GALNTL6: variants seen among roughly 807,000 people sequenced by gnomAD.
GALNTL6 encodes polypeptide N-acetylgalactosaminyltransferase like 6, also known as polypeptide N-acetylgalactosaminyltransferase-like 6.
In GALNTL6, 46 loss-of-function variants were observed where a neutral mutation model predicts 73.7. That is an observed-to-expected ratio of 0.62 (90% CI 0.49 to 0.80). The LOEUF (loss-of-function observed/expected upper bound fraction) is 0.80. Ranked by LOEUF, GALNTL6 falls within the 30% of genes least tolerant of loss-of-function variation. The pLI, the probability that GALNTL6 is intolerant of heterozygous loss-of-function variation, is 0.00. For missense variants in GALNTL6, 604 were observed against 755.0 expected, an observed-to-expected ratio of 0.80 and a Z score of 2.34; for synonymous variants, 259 against 263.7, an observed-to-expected ratio of 0.98 and a Z score of 0.17.
In GALNTL6 at chr4:172,963,514, C is replaced by T. The variant is rs145916633; in HGVS notation, c.1371+11256C>T. ...GTTTGTTGTGTTGCTACTGCTCTTT[C>T]GCAGAAAGACATAGTGTCTAGCATA... On this transcript the variant is annotated intron_variant, in intron 10 of 12. Transcript: ENST00000506823. 3.2e-3 allele frequency among the ~76,000 whole-genome samples: 488 copies of T among 152,302 alleles called. 4 individuals carry two copies. Among genetic ancestry groups the T allele is most frequent in the African/African-American group, 0.011 (458 of 41,556 alleles).
At chr4:171,851,576 G>A (rs1267499664) in intron 2 of GALNTL6, among the ~76,000 whole-genome samples, 1 of 152,120 alleles carries the variant, frequency 6.6e-6, no homozygotes, top group African/African-American at 2.4e-5. Context: ...TGAGTGAGCT[G>A]AATTATTTCT....
intron 7 of GALNTL6, among the ~76,000 whole-genome samples, chr4:172,837,093 A>G (rs79241572): frequency 0.033 from 5,006 of 152,292 alleles, 283 homozygotes; most frequent in African/African-American, 0.11. Context: ...TCAGTTATCT[A>G]TGTGCCAAAA....
intron 2 of GALNTL6, among the ~76,000 whole-genome samples, chr4:172,149,615 C>G (rs147009637): frequency 6.6e-6 from 1 of 152,106 alleles, no homozygotes; most frequent in African/African-American, 2.4e-5. Context: ...CCCTGGTTTT[C>G]GCCCAAGTCA....
intron 5 of GALNTL6, among the ~76,000 whole-genome samples, chr4:172,778,442 A>T (rs1486962396): frequency 6.6e-6 from 1 of 152,244 alleles, no homozygotes; most frequent in African/African-American, 2.4e-5. Flanking sequence ...TGTGTTCATG[A>T]TACATAACAG....
intron 2 of GALNTL6, among the ~76,000 whole-genome samples, chr4:172,089,395 T>A (rs532295185): frequency 1.3e-3 from 192 of 152,312 alleles, no homozygotes; most frequent in African/African-American, 4.1e-3. Context: ...AAGTGGTCCA[T>A]GCACAAGCCA....
intron 5 of GALNTL6, among the ~76,000 whole-genome samples, chr4:172,535,710 A>G (rs1026833120): frequency 1.3e-5 from 2 of 152,172 alleles, no homozygotes; most frequent in Admixed American, 1.3e-4. Context: ...ATTATGATAG[A>G]CCATAATAGA....
At position 172,426,242 on chromosome 4, in the gene GALNTL6, G is replaced by A. The variant is rs553433567; in HGVS notation, c.553+77553G>A. ...TTTGTAACTTTACTAGAAATGTGAT[G>A]AAGCTTCTTTGAGATATATTTAGCT... is the stretch of plus-strand genomic sequence containing the variant. On this transcript the variant is annotated intron_variant, in intron 5 of 12. Coordinates refer to ENST00000506823, the MANE Select transcript of GALNTL6 (RefSeq NM_001034845.3). 5.5e-4 allele frequency among the ~76,000 whole-genome samples: 83 copies of A among 152,218 alleles called. 2 individuals are homozygous for A. The highest frequency in any genetic ancestry group is 3.4e-3 in the Middle Eastern group (1 of 294).
rs76570819 is a variant in GALNTL6 at position 172,202,472 on chromosome 4, C to T, written c.139-27184C>T. Among the ~76,000 whole-genome samples the T allele has an allele frequency of 8.2e-3, 1,251 of 152,030 alleles. 15 individuals carry two copies. Among genetic ancestry groups the T allele is most frequent in the African/African-American group, 0.029 (1,192 of 41,476 alleles). ...AGTGTTGAAATAATTATTTCATATA[C>T]GATCAAATATGTGTGTATATAGAAA... On this transcript the variant is annotated intron_variant, in intron 2 of 12. Transcript: ENST00000506823.
rs11336973 is a variant in GALNTL6, at chr4:172,845,216, C to CAAAA, written c.923+31508_923+31511dup. On this transcript the variant is annotated intron_variant, in intron 7 of 12. Coordinates refer to ENST00000506823, the MANE Select transcript of GALNTL6 (RefSeq NM_001034845.3). ...CTGGTGGCAGAGCGAGTCTCTGTCT[C>CAAAA]AAAAAAAAAAAAAAAAAAGAAAAAG... Among the ~76,000 whole-genome samples, 437 of 91,000 alleles carry CAAAA rather than the reference C, an allele frequency of 4.8e-3. 3 individuals carry two copies. Among genetic ancestry groups the CAAAA allele is most frequent in the African/African-American group, 0.016 (413 of 25,982 alleles). The allele number at this position is 91,000 out of a possible 152,430, so 59.7% of individuals were successfully genotyped here.
chr4:171,872,107 T>C (rs1409771398), intron 2 of GALNTL6, among the ~76,000 whole-genome samples: 1 of 152,204 alleles, frequency 6.6e-6, no homozygotes, highest in Non-Finnish European at 1.5e-5. Flanking sequence ...GCTAAATATA[T>C]TTAAATGAAT....
chr4:171,823,119 A>G (rs1334279982), intron 2 of GALNTL6, among the ~76,000 whole-genome samples: 3 of 152,208 alleles, frequency 2.0e-5, no homozygotes, highest in Non-Finnish European at 4.4e-5. Context: ...TAGGCTTGAT[A>G]ATTTGTCCCT....
intron 2 of GALNTL6, among the ~76,000 whole-genome samples, chr4:172,214,994 A>G (rs1006773615): frequency 1.3e-5 from 2 of 151,894 alleles, no homozygotes; most frequent in Non-Finnish European, 2.9e-5. Flanking sequence ...ATTTAGTTCA[A>G]ATTTCTCTGA....
At chr4:172,777,309 A>C (rs1196654245) in intron 5 of GALNTL6, among the ~76,000 whole-genome samples, 1 of 152,222 alleles carries the variant, frequency 6.6e-6, no homozygotes, top group Non-Finnish European at 1.5e-5. Flanking sequence ...CTCAAAGATT[A>C]GCAAATCAAA....
intron 5 of GALNTL6, among the ~76,000 whole-genome samples, chr4:172,673,438 G>A (rs188719499): frequency 6.6e-6 from 1 of 152,300 alleles, no homozygotes; most frequent in Admixed American, 6.5e-5. Context: ...TTAGAAGAAT[G>A]TATATTCTGT....
chr4:172,818,903 A>T (rs181707955), intron 7 of GALNTL6, among the ~76,000 whole-genome samples: 2 of 152,084 alleles, frequency 1.3e-5, no homozygotes, highest in Non-Finnish European at 2.9e-5. Flanking sequence ...GGCCACAATC[A>T]TCCATTTTAT....
intron 2 of GALNTL6, among the ~76,000 whole-genome samples, chr4:172,095,664 G>A (rs1732330742): frequency 6.6e-6 from 1 of 151,858 alleles, no homozygotes; most frequent in South Asian, 2.1e-4. Flanking sequence ...GCAGAGCATA[G>A]AATAATGGCT....
chr4:172,706,962 G>T (rs1734393979), intron 5 of GALNTL6, among the ~76,000 whole-genome samples: 1 of 152,146 alleles, frequency 6.6e-6, no homozygotes, highest in African/African-American at 2.4e-5. Flanking sequence ...ACATGCACTT[G>T]CAGTACTTCC....
intron 5 of GALNTL6, among the ~76,000 whole-genome samples, chr4:172,640,703 C>T (rs1165196972): frequency 6.6e-6 from 1 of 152,050 alleles, no homozygotes; most frequent in Admixed American, 6.6e-5. Context: ...GTTTAAGGTC[C>T]TCCCTAAAGA....
chr4:171,866,108 G>T (rs918143451), intron 2 of GALNTL6, among the ~76,000 whole-genome samples: 1 of 151,994 alleles, frequency 6.6e-6, no homozygotes, highest in Non-Finnish European at 1.5e-5. Context: ...GAAAATGAAG[G>T]ATCCTAAATT....
Sources: gnomAD v4.1 joint callset for allele counts (sites outside exome capture counted in the v4.1 genomes callset) on GRCh38, gnomAD v4.1.1 for gene constraint, MANE v1.5 for transcripts, NCBI Gene and HGNC (gene_info 2026-07-23, HGNC 2026-07-21) for gene names.